The following RBM20 variants were observed in gnomAD, a reference collection of about 807,000 sequenced individuals.
The protein encoded by RBM20 is RNA binding motif protein 20, also known as RNA-binding protein 20.
A neutral mutation model predicts 110.1 loss-of-function variants in RBM20; 51 were observed. The observed-to-expected ratio is 0.46, with a 90% CI of 0.37 to 0.59. The LOEUF is 0.59. Ranked by LOEUF, RBM20 falls within the 20% of genes least tolerant of loss-of-function variation. The probability of loss-of-function intolerance (pLI) is 0.00; values close to 1 mark genes in which losing one functional copy is unlikely to be tolerated. For synonymous variants in RBM20, 589 were observed against 618.2 expected (o/e 0.95, Z 0.70); for missense variants, 1,512 against 1,574.9 (o/e 0.96, Z 0.68).
chr10:110,764,963 C>A (rs192584864), intron 1 of RBM20, among the ~76,000 whole-genome samples: 18 of 151,948 alleles, frequency 1.2e-4, no homozygotes, highest in African/African-American at 3.9e-4. Context: ...CATGAGTATG[C>A]GATTTGTCTG....
chr10:110,664,256 G>A (rs1862146644), intron 1 of RBM20, among the ~76,000 whole-genome samples: 1 of 152,118 alleles, frequency 6.6e-6, no homozygotes, highest in Non-Finnish European at 1.5e-5. Flanking sequence ...TGTACAAGAT[G>A]AGCTGGAATA....
intron 1 of RBM20, among the ~76,000 whole-genome samples, chr10:110,718,608 C>CTTTTTTTTTTTT (rs61629487): frequency 1.2e-4 from 12 of 101,546 alleles, no homozygotes; most frequent in Non-Finnish European, 1.9e-4. Context: ...CTACTCCATT[C>CTTTTTTTTTTTT]TTTTTTTTTT....
intron 1 of RBM20, among the ~76,000 whole-genome samples, chr10:110,771,155 T>G (rs887391384): frequency 1.3e-5 from 2 of 151,746 alleles, no homozygotes; most frequent in African/African-American, 4.8e-5. Flanking sequence ...TTTTTTTTGG[T>G]TTTTTTTGTG....
intron 9 of RBM20, among the ~76,000 whole-genome samples, chr10:110,819,541 A>G (rs7072681): frequency 0.47 from 72,091 of 152,042 alleles, 18,004 homozygotes; most frequent in East Asian, 0.74. Context: ...GGAAGGGAAT[A>G]CAAGGAAGGA....
intron 1 of RBM20, among the ~76,000 whole-genome samples, chr10:110,672,363 A>G (rs1862274300): frequency 6.6e-6 from 1 of 152,210 alleles, no homozygotes; most frequent in Admixed American, 6.5e-5. Flanking sequence ...CGTGTTTGAA[A>G]ACTAGAAGCC....
chr10:110,760,007 G>T (rs940975370), intron 1 of RBM20, among the ~76,000 whole-genome samples: 1 of 152,172 alleles, frequency 6.6e-6, no homozygotes, highest in Non-Finnish European at 1.5e-5. Context: ...TGGTGGTGGG[G>T]GGCACAGGGG....
intron 1 of RBM20, 114 bp from the exon 2 acceptor site, chr10:110,780,687 C>G (rs1162759113): frequency 4.2e-6 from 5 of 1,180,672 alleles, no homozygotes; most frequent in East Asian, 5.3e-5. Flanking sequence ...GTATGTGGGA[C>G]CAGTGTGGGA....
rs537035877 is a variant in RBM20 at position 110,809,564 on chromosome 10, A to G, written c.1801-819A>G. Among the ~76,000 whole-genome samples, 131 of 151,972 alleles carry G rather than the reference A, an allele frequency of 8.6e-4. 1 individual carries two copies. Among genetic ancestry groups the G allele is most frequent in the Non-Finnish European group, 1.6e-3 (107 of 67,952 alleles). On this transcript the variant is annotated intron_variant, in intron 7 of 13. Coordinates refer to ENST00000369519, the MANE Select transcript of RBM20 (RefSeq NM_001134363.3). ...GGTTTAGGAAAGGGCTTTGGTCGGGAATGGGGGGCTGGGGTTGGTCCTGTC... is the reference window on the plus strand; with the variant it reads ...GGTTTAGGAAAGGGCTTTGGTCGGGGATGGGGGGCTGGGGTTGGTCCTGTC...
At chr10:110,818,162 G>A (rs1285904945) in intron 9 of RBM20, among the ~76,000 whole-genome samples, 1 of 151,290 alleles carries the variant, frequency 6.6e-6, no homozygotes, top group African/African-American at 2.4e-5. Flanking sequence ...GTGGTGGCAG[G>A]CACCTGTAAT....
At chr10:110,684,219 A>G (rs1164033120) in intron 1 of RBM20, among the ~76,000 whole-genome samples, 1 of 152,046 alleles carries the variant, frequency 6.6e-6, no homozygotes, top group African/African-American at 2.4e-5. Flanking sequence ...GCATGATGAA[A>G]CCCTTTCTCT....
intron 1 of RBM20, among the ~76,000 whole-genome samples, chr10:110,668,766 G>C (rs1473564819): frequency 6.6e-6 from 1 of 152,120 alleles, no homozygotes; most frequent in African/African-American, 2.4e-5. Flanking sequence ...GGTAGAGGCA[G>C]AGTTGATCCC....
At position 110,784,347 on chromosome 10, in the gene RBM20, C is replaced by T; in HGVS notation, c.1344C>T (p.Gly448=). The T allele has an allele frequency of 6.5e-7, 1 of 1,550,328 alleles. No homozygotes were observed. Among genetic ancestry groups the T allele is most frequent in the Non-Finnish European group, 8.7e-7 (1 of 1,146,218 alleles). ...QKCLVFSENA[G]IRCILGSAEG... is the part of the protein sequence containing the mutation. ...CCTTTCTCGCCCTCTCCAGTGCTGG[C>T]ATCCGGTGTATACTTGGTTCGGCAG... is the stretch of plus-strand genomic sequence containing the variant. Residue 448 remains glycine, a synonymous_variant, in exon 4 of 14, where the codon GGC becomes GGT. Transcript: ENST00000369519.
chr10:110,824,550 C>T (rs4918599), intron 12 of RBM20, among the ~76,000 whole-genome samples: 80,716 of 151,848 alleles, frequency 0.53, 21,665 homozygotes, highest in East Asian at 0.65. Context: ...ATTTAGACAG[C>T]GATTTTTTCA....
In RBM20 at chr10:110,739,126, G is replaced by A. The variant is rs1311348297; in HGVS notation, c.192-41675G>A. Among the ~76,000 whole-genome samples the A allele has an allele frequency of 6.6e-6, 1 of 152,170 alleles. No homozygotes were observed. Among genetic ancestry groups the A allele is most frequent in the Non-Finnish European group, 1.5e-5 (1 of 68,022 alleles). On this transcript the variant is annotated intron_variant, in intron 1 of 13. Transcript: ENST00000369519. This position sits in a 1 kb window ranked among gnomAD's most constrained non-coding sequence, Gnocchi z 4.1. ...TGGCTGGGCACAGGATCAGATGGAT[G>A]TCTTTCTGTCTGTTGACAGGTCCTC...
In RBM20 at chr10:110,718,476, T is replaced by C. The variant is rs541214577; in HGVS notation, c.192-62325T>C. On this transcript the variant is annotated intron_variant, in intron 1 of 13. Coordinates refer to ENST00000369519, the MANE Select transcript of RBM20 (RefSeq NM_001134363.3). ...TTTTCTGGTATTTCTATCTGTATGT[T>C]TGTATACATGCATAGATAGTTTGTT... Among the ~76,000 whole-genome samples, 6 of 152,238 alleles carry C rather than the reference T, an allele frequency of 3.9e-5. No individual in the cohort carries two copies. In the South Asian group the frequency reaches 1.2e-3, roughly 32 times the overall value.
intron 11 of RBM20, 133 bp from the exon 12 acceptor site, chr10:110,823,347 T>A: frequency 6.8e-6 from 8 of 1,170,270 alleles, no homozygotes; most frequent in Non-Finnish European, 8.2e-6. Flanking sequence ...CCCAGCCTTA[T>A]GTGATTAAGC....
At chr10:110,816,047 C>G (rs1208088802) in intron 9 of RBM20, among the ~76,000 whole-genome samples, 1 of 152,186 alleles carries the variant, frequency 6.6e-6, no homozygotes. Flanking sequence ...AGTCAGATAA[C>G]AGGTGGCAAC....
intron 3 of RBM20, 147 bp downstream of exon 3, chr10:110,783,574 T>C (rs1475276127): frequency 3.4e-6 from 2 of 586,288 alleles, no homozygotes; most frequent in East Asian, 6.1e-5. Flanking sequence ...AGCTTGTGCT[T>C]CACAGGGGCC....
At chr10:110,673,412 A>G (rs573445446) in intron 1 of RBM20, among the ~76,000 whole-genome samples, 6 of 152,214 alleles carry the variant, frequency 3.9e-5, no homozygotes, top group African/African-American at 1.4e-4. Context: ...GGGTTTCACT[A>G]TGTTGGCCAG....
Sources: allele counts gnomAD v4.1 joint callset (sites outside exome capture counted in the v4.1 genomes callset), GRCh38; gene constraint gnomAD v4.1.1; non-coding constraint Gnocchi (gnomAD v3.1); transcripts MANE v1.5; gene names NCBI Gene and HGNC (gene_info 2026-07-23, HGNC 2026-07-21).